PCBP3: variants seen among roughly 807,000 people sequenced by gnomAD.
The protein encoded by PCBP3 is poly(rC) binding protein 3.
In PCBP3, 25 loss-of-function variants were observed where a neutral mutation model predicts 52.7. The observed-to-expected ratio is 0.47, with a 90% CI of 0.35 to 0.66. PCBP3 has a LOEUF of 0.66. Among genes scored for constraint, PCBP3 ranks in the 30% least tolerant of loss-of-function variants. PCBP3 has a pLI of 0.01. For synonymous variants in PCBP3, 162 were observed against 183.0 expected (o/e 0.89, Z 0.93); for missense variants, 391 against 490.3 (o/e 0.80, Z 1.91).
At chr21:45,792,939 A>G (rs1376835615) in intron 4 of PCBP3, among the ~76,000 whole-genome samples, 1 of 152,136 alleles carries the variant, frequency 6.6e-6, no homozygotes, top group East Asian at 1.9e-4. Flanking sequence ...GAGATGAAAC[A>G]TTGTCACATG....
intron 4 of PCBP3, among the ~76,000 whole-genome samples, chr21:45,784,391 T>C (rs146066604): frequency 8.8e-6 from 1 of 113,250 alleles, no homozygotes; most frequent in Non-Finnish European, 2.0e-5. Context: ...TACCTCTACC[T>C]CTACCGCTAC....
chr21:45,650,328 A>G (rs905444282), intron 1 of PCBP3, among the ~76,000 whole-genome samples: 5 of 152,166 alleles, frequency 3.3e-5, no homozygotes. Flanking sequence ...ATTGGACCCA[A>G]TATGCAAATA....
intron 4 of PCBP3, among the ~76,000 whole-genome samples, chr21:45,839,865 T>C (rs1377558903): frequency 3.9e-5 from 6 of 151,956 alleles, no homozygotes; most frequent in Non-Finnish European, 8.8e-5. Context: ...TTTTGTACTT[T>C]CAGTAGAGAC....
At chr21:45,706,840 G>A (rs944679262) in intron 2 of PCBP3, among the ~76,000 whole-genome samples, 1 of 152,052 alleles carries the variant, frequency 6.6e-6, no homozygotes, top group South Asian at 2.1e-4. Flanking sequence ...GTTCCCAGTG[G>A]GACTGACATC....
intron 4 of PCBP3, among the ~76,000 whole-genome samples, chr21:45,789,539 G>A (rs1187136959): frequency 6.6e-6 from 1 of 152,174 alleles, no homozygotes; most frequent in Non-Finnish European, 1.5e-5. Flanking sequence ...AGATGAGGGT[G>A]TGAGCCATGG....
rs2093430732 is a variant in PCBP3, at chr21:45,830,900, A to C, written c.-125-19061A>C. On this transcript the variant is annotated intron_variant, in intron 4 of 17. Coordinates refer to ENST00000681687, the MANE Select transcript of PCBP3 (RefSeq NM_001384156.1). The surrounding 1 kb of genome is among the most constrained non-coding windows in gnomAD (Gnocchi z 4.4). Reference sequence around the variant, plus strand: ...CCCTCCACCTTTGTCCCTGCTGTCTATGAAGAAGGAGTGCTGTGCCCTCTG... The same window carrying C: ...CCCTCCACCTTTGTCCCTGCTGTCTCTGAAGAAGGAGTGCTGTGCCCTCTG... 1.3e-5 allele frequency: 2 copies of C among 152,244 alleles called. No homozygotes were observed. Among genetic ancestry groups the C allele is most frequent in the African/African-American group, 4.8e-5 (2 of 41,456 alleles). The allele number at this position is 152,244 out of a possible 1,614,324, so 9.4% of individuals were successfully genotyped here.
intron 10 of PCBP3, 51 bp downstream of exon 10, chr21:45,909,537 C>T (rs373450618): frequency 4.7e-4 from 741 of 1,583,186 alleles, no homozygotes; most frequent in Middle Eastern, 8.9e-4. Flanking sequence ...AGGCGGGCTG[C>T]GGGTGGTGGC....
chr21:45,740,637 T>TGA (rs1555916812), intron 3 of PCBP3, among the ~76,000 whole-genome samples: 1 of 149,848 alleles, frequency 6.7e-6, no homozygotes, highest in African/African-American at 2.5e-5. Context: ...TGTGTGTGTG[T>TGA]GAAGTGTGTG....
At chr21:45,931,762 A>T (rs1276655678) in intron 15 of PCBP3, among the ~76,000 whole-genome samples, 1 of 151,178 alleles carries the variant, frequency 6.6e-6, no homozygotes, top group South Asian at 2.1e-4. Flanking sequence ...CACATCAGCC[A>T]TGCTGTCCTG....
At chr21:45,674,545 T>C (rs891132152) in intron 2 of PCBP3, among the ~76,000 whole-genome samples, 1 of 152,178 alleles carries the variant, frequency 6.6e-6, no homozygotes, top group Non-Finnish European at 1.5e-5. Context: ...ATATGGCCCT[T>C]TCACAGGATA....
chr21:45,785,516 G>A (rs1201977702), intron 4 of PCBP3, among the ~76,000 whole-genome samples: 1 of 147,714 alleles, frequency 6.8e-6, no homozygotes, highest in African/African-American at 2.5e-5. Flanking sequence ...AGGGGGGGGG[G>A]TCAGCCCCCC....
At chr21:45,661,811 T>C (rs996196001) in intron 1 of PCBP3, among the ~76,000 whole-genome samples, 4 of 152,250 alleles carry the variant, frequency 2.6e-5, no homozygotes, top group Non-Finnish European at 5.9e-5. Context: ...TCTGTCATTT[T>C]TTGACTTTTT....
intron 2 of PCBP3, among the ~76,000 whole-genome samples, chr21:45,690,254 G>C (rs943508218): frequency 6.6e-6 from 1 of 152,008 alleles, no homozygotes; most frequent in Non-Finnish European, 1.5e-5. Flanking sequence ...CCAACAAACT[G>C]TCAGAAGAAC....
intron 10 of PCBP3, 38 bp downstream of exon 10, chr21:45,909,524 T>C: frequency 1.2e-6 from 2 of 1,602,060 alleles, no homozygotes; most frequent in South Asian, 2.2e-5. Context: ...CTGCGGAGCC[T>C]CTAGGCGGGC....
At position 45,805,730 on chromosome 21, in the gene PCBP3, C is replaced by T. The variant is rs2092472995; in HGVS notation, c.-125-44231C>T. On this transcript the variant is annotated intron_variant, in intron 4 of 17. Coordinates refer to ENST00000681687, the MANE Select transcript of PCBP3 (RefSeq NM_001384156.1). This position sits in a 1 kb window ranked among gnomAD's most constrained non-coding sequence, Gnocchi z 4.6. Reference sequence around the variant, plus strand: ...TGCACCTGAGCTTGCAGGCATGCTCCTGTCTTTCTGTGGTGGTAAAGGTGA... The same window carrying T: ...TGCACCTGAGCTTGCAGGCATGCTCTTGTCTTTCTGTGGTGGTAAAGGTGA... Among the ~76,000 whole-genome samples the T allele has an allele frequency of 6.6e-6, 1 of 152,204 alleles. No homozygotes were observed. Among genetic ancestry groups the T allele is most frequent in the Admixed American group, 6.5e-5 (1 of 15,282 alleles).
chr21:45,913,860 G>C (rs1008888099), intron 11 of PCBP3, 91 bp from the exon 12 acceptor site: 3 of 1,199,748 alleles, frequency 2.5e-6, no homozygotes, highest in South Asian at 2.7e-5. Context: ...GGTGCAGGGG[G>C]CTGAGTGGGG....
chr21:45,673,880 G>A (rs184402355), intron 2 of PCBP3: 6 of 152,100 alleles, frequency 3.9e-5, no homozygotes, highest in African/African-American at 1.4e-4. Context: ...TACTTAGTTG[G>A]GTGCTCTTCT....
chr21:45,869,530 G>C (rs1027780096), intron 5 of PCBP3, among the ~76,000 whole-genome samples: 1 of 152,176 alleles, frequency 6.6e-6, no homozygotes, highest in South Asian at 2.1e-4. Flanking sequence ...GGTGAGGCTT[G>C]GGGTGACCGC....
intron 2 of PCBP3, among the ~76,000 whole-genome samples, chr21:45,733,803 G>A (rs1310531703): frequency 6.6e-6 from 1 of 152,116 alleles, no homozygotes; most frequent in Non-Finnish European, 1.5e-5. Flanking sequence ...ATTTCATCAT[G>A]TTGCTCAGGC....
Sources: gnomAD v4.1 joint callset for allele counts (sites outside exome capture counted in the v4.1 genomes callset) on GRCh38, gnomAD v4.1.1 for gene constraint, Gnocchi (gnomAD v3.1) non-coding constraint, MANE v1.5 for transcripts, NCBI Gene and HGNC (gene_info 2026-07-23, HGNC 2026-07-21) for gene names.